Variants in CNTNAP2 observed in about 807,000 individuals in gnomAD.
The protein encoded by CNTNAP2 is contactin associated protein 2, also known as contactin-associated protein-like 2.
Under a neutral mutation model 155.2 loss-of-function variants are expected in CNTNAP2, and 98 were observed. The ratio of observed to expected loss-of-function variants is 0.63; its 90% CI spans 0.54 to 0.75. CNTNAP2 has a LOEUF of 0.75. CNTNAP2 is among the 30% of genes least tolerant of loss of function. The pLI, the probability that CNTNAP2 is intolerant of heterozygous loss-of-function variation, is 0.00. For missense variants in CNTNAP2, 1,727 were observed against 1,688.1 expected (o/e 1.02, Z -0.40); for synonymous variants, 651 against 631.2 (o/e 1.03, Z -0.47).
intron 21 of CNTNAP2, among the ~76,000 whole-genome samples, chr7:148,287,272 TA>T (rs1563026244): frequency 6.6e-6 from 1 of 152,228 alleles, no homozygotes; most frequent in African/African-American, 2.4e-5. Context: ...TTTTGATTGA[TA>T]AATAATATTT....
At chr7:147,423,213 C>T (rs550704566) in intron 10 of CNTNAP2, among the ~76,000 whole-genome samples, 1 of 152,224 alleles carries the variant, frequency 6.6e-6, no homozygotes, top group South Asian at 2.1e-4. Flanking sequence ...CCCTAATTCC[C>T]TAAATTAGGT....
At chr7:146,735,302 C>T (rs183975986) in intron 1 of CNTNAP2, among the ~76,000 whole-genome samples, 40 of 152,266 alleles carry the variant, frequency 2.6e-4, no homozygotes, top group Admixed American at 2.4e-3. Flanking sequence ...CCTGTAATCC[C>T]GGCACTTTGG....
At chr7:146,171,991 A>C (rs4598171) in intron 1 of CNTNAP2, among the ~76,000 whole-genome samples, 144,319 of 147,056 alleles carry the variant, frequency 0.98, 70,884 homozygotes, top group Middle Eastern at 1. Context: ...TTTGCTTTGT[A>C]CCTTTATTTC....
chr7:146,400,214 G>A (rs1462947816), intron 1 of CNTNAP2, among the ~76,000 whole-genome samples: 1 of 151,560 alleles, frequency 6.6e-6, no homozygotes, highest in Non-Finnish European at 1.5e-5. Context: ...GAAACTTCTA[G>A]AAGTAAAATC....
chr7:146,729,251 A>G (rs2129179070), intron 1 of CNTNAP2, among the ~76,000 whole-genome samples: 1 of 152,286 alleles, frequency 6.6e-6, no homozygotes, highest in East Asian at 1.9e-4. Context: ...ACCCATACAC[A>G]TATACTGTTG....
intron 1 of CNTNAP2, among the ~76,000 whole-genome samples, chr7:146,265,983 C>G (rs948848280): frequency 6.6e-6 from 1 of 151,756 alleles, no homozygotes; most frequent in East Asian, 1.9e-4. Flanking sequence ...CAAATTTGCC[C>G]TCTCCCAGCC....
At chr7:146,465,912 T>C (rs913907748) in intron 1 of CNTNAP2, among the ~76,000 whole-genome samples, 4 of 152,166 alleles carry the variant, frequency 2.6e-5, no homozygotes, top group African/African-American at 9.6e-5. Context: ...AATTATTATC[T>C]GGAAGTTGGA....
chr7:146,163,426 A>G (rs1424368629), intron 1 of CNTNAP2, among the ~76,000 whole-genome samples: 1 of 149,518 alleles, frequency 6.7e-6, no homozygotes, highest in African/African-American at 2.4e-5. Context: ...ATACAAAAAT[A>G]AAAATACAAA....
chr7:148,020,819 G>C (rs1313219813), intron 15 of CNTNAP2, among the ~76,000 whole-genome samples: 1 of 152,150 alleles, frequency 6.6e-6, no homozygotes, highest in South Asian at 2.1e-4. Context: ...CTCCTGAGGT[G>C]AGCATAAAAA....
At chr7:147,070,292 T>C (rs1316975792) in intron 4 of CNTNAP2, among the ~76,000 whole-genome samples, 1 of 152,118 alleles carries the variant, frequency 6.6e-6, no homozygotes, top group African/African-American at 2.4e-5. Flanking sequence ...TCCGAAACAC[T>C]CAAATAAAAA....
chr7:147,905,565 A>G (rs911650714), intron 14 of CNTNAP2, among the ~76,000 whole-genome samples: 8 of 152,226 alleles, frequency 5.3e-5, no homozygotes, highest in African/African-American at 1.9e-4. Context: ...GTTGTGAGGA[A>G]GGTGTGTGCA....
At chr7:146,431,680 TAG>T (rs1310040361) in intron 1 of CNTNAP2, among the ~76,000 whole-genome samples, 1 of 152,078 alleles carries the variant, frequency 6.6e-6, no homozygotes, top group African/African-American at 2.4e-5. Context: ...TAAGGATCAA[TAG>T]ACAAAAGTCA....
chr7:147,963,689 G>A (rs1801153223), intron 14 of CNTNAP2, among the ~76,000 whole-genome samples: 1 of 152,050 alleles, frequency 6.6e-6, no homozygotes, highest in East Asian at 1.9e-4. Flanking sequence ...GAAGATCCCA[G>A]GACTGGAAAT....
At chr7:148,206,968 T>C (rs1236787868) in intron 18 of CNTNAP2, among the ~76,000 whole-genome samples, 1 of 152,196 alleles carries the variant, frequency 6.6e-6, no homozygotes, top group African/African-American at 2.4e-5. Context: ...TCCCGCCTCC[T>C]GCTATTTATT....
At chr7:148,235,490 C>A (rs1293979795) in intron 20 of CNTNAP2, among the ~76,000 whole-genome samples, 1 of 152,124 alleles carries the variant, frequency 6.6e-6, no homozygotes, top group Non-Finnish European at 1.5e-5. Flanking sequence ...TTGTGCTGGG[C>A]AGGCACTCTG....
In CNTNAP2 at chr7:146,535,187, G is replaced by T. The variant is rs60961965; in HGVS notation, c.98-239084G>T. On this transcript the variant is annotated intron_variant, in intron 1 of 23. Coordinates refer to ENST00000361727, the MANE Select transcript of CNTNAP2 (RefSeq NM_014141.6). ...ATATTATATCATATATCATATATATGATATTATATCATATATCATATATAT... is the reference window on the plus strand; with the variant it reads ...ATATTATATCATATATCATATATATTATATTATATCATATATCATATATAT... Among the ~76,000 whole-genome samples, 49 of 20,572 alleles carry T rather than the reference G, an allele frequency of 2.4e-3. 1 individual carries two copies. Among genetic ancestry groups the T allele is most frequent in the Admixed American group, 8.8e-3 (12 of 1,358 alleles). 13.5% of individuals were successfully genotyped at this position (20,572 alleles called of 152,430 possible). A position where few individuals can be genotyped will look rare whatever the true frequency, so the allele number is the denominator to read the frequency against.
At chr7:148,002,863 T>C (rs1027569324) in intron 15 of CNTNAP2, among the ~76,000 whole-genome samples, 4 of 152,228 alleles carry the variant, frequency 2.6e-5, no homozygotes, top group African/African-American at 9.7e-5. Context: ...GTACACTTGT[T>C]ATTTAATTTT....
At chr7:146,934,254 T>C (rs1377829272) in intron 3 of CNTNAP2, among the ~76,000 whole-genome samples, 1 of 152,032 alleles carries the variant, frequency 6.6e-6, no homozygotes, top group African/African-American at 2.4e-5. Flanking sequence ...TGGAATACTA[T>C]GCAGCCATAA....
intron 1 of CNTNAP2, among the ~76,000 whole-genome samples, chr7:146,369,252 A>G (rs1415928909): frequency 6.6e-6 from 1 of 151,856 alleles, no homozygotes; most frequent in Non-Finnish European, 1.5e-5. Flanking sequence ...TTTGAAACCT[A>G]AATTTTAGTT....
Sources: gnomAD v4.1 joint callset for allele counts (sites outside exome capture counted in the v4.1 genomes callset) on GRCh38, gnomAD v4.1.1 for gene constraint, MANE v1.5 for transcripts, NCBI Gene and HGNC (gene_info 2026-07-23, HGNC 2026-07-21) for gene names.